Variants in HCRTR1 observed in about 807,000 individuals in gnomAD.
The protein encoded by HCRTR1 is orexin/Hypocretin receptor type 1.
In HCRTR1, 28 loss-of-function variants were observed where a neutral mutation model predicts 40.6. The ratio of observed to expected loss-of-function variants is 0.69; its 90% confidence interval spans 0.51 to 0.95. HCRTR1 has a LOEUF of 0.95. Ranked by LOEUF, HCRTR1 falls within the 40% of genes least tolerant of loss-of-function variation. The pLI is 0.00. For missense variants in HCRTR1, 482 were observed against 564.7 expected, an observed-to-expected ratio of 0.85 and a Z score of 1.48; for synonymous variants, 209 against 230.0, an observed-to-expected ratio of 0.91 and a Z score of 0.83.
Position 31,627,309 on chromosome 1 carries a change from CTA to C in HCRTR1, c.*330_*331del. ...GGTCATCCTCCTAAAGACCCCTTTC[CTA>C]CCCAATTACAGGCCTTCCCTGGAGT... On this transcript the variant is annotated 3_prime_UTR_variant, in exon 9 of 9. Transcript: ENST00000403528. 3 of 1,323,914 alleles carry C rather than the reference CTA, an allele frequency of 2.3e-6. No individual in the cohort carries two copies. The highest frequency in any genetic ancestry group is 9.9e-7 in the Non-Finnish European group (1 of 1,012,342). 82.0% of individuals were successfully genotyped at this position (1,323,914 alleles called of 1,614,324 possible).
In HCRTR1 at chr1:31,618,813, T is replaced by G; in HGVS notation, c.-146T>G. Reference sequence around the variant, plus strand: ...CTCATTACTCCTCATCGTGGTCCTGTAAGGTATGTAGGGCTGTCACCCCAT... The same window carrying G: ...CTCATTACTCCTCATCGTGGTCCTGGAAGGTATGTAGGGCTGTCACCCCAT... On this transcript the variant is annotated 5_prime_UTR_variant, in exon 2 of 9. Coordinates refer to ENST00000403528, the MANE Select transcript of HCRTR1 (RefSeq NM_001525.3). The G allele has an allele frequency of 4.0e-6, 1 of 249,810 alleles. No homozygotes were observed. The allele number at this position is 249,810 out of a possible 1,614,324, so 15.5% of individuals were successfully genotyped here.
At chr1:31,634,116 C>T (rs1294222224), downstream of HCRTR1, among the ~76,000 whole-genome samples, 2 of 152,174 alleles carry the variant, frequency 1.3e-5, no homozygotes, top group African/African-American at 4.8e-5. Flanking sequence ...TACCAAAGCC[C>T]AGTAAGGACA....
At chr1:31,629,701 T>G (rs879413371), downstream of HCRTR1, among the ~76,000 whole-genome samples, 3 of 152,122 alleles carry the variant, frequency 2.0e-5, no homozygotes, top group Non-Finnish European at 4.4e-5. Context: ...CTGGCTACCC[T>G]ATACTTCAAC....
Position 31,626,870 on chromosome 1 carries a change from A to G in HCRTR1, c.1168A>G (p.Ser390Gly), listed in dbSNP as rs770155053. Reference protein sequence around the residue: ...LGPCGSLKAPSPRSSASHKSL... With the variant: ...LGPCGSLKAPGPRSSASHKSL... ...TCCCTGCGGCTCTCTGAAGGCCCCTAGTCCCCGCTCCTCTGCCAGCCACAA... is the reference window on the plus strand; with the variant it reads ...TCCCTGCGGCTCTCTGAAGGCCCCTGGTCCCCGCTCCTCTGCCAGCCACAA... The change falls in exon 9 of 9, where the codon AGT becomes GGT. Residue 390 changes from serine to glycine, a missense_variant. Ser to Gly is a moderately conservative substitution (Grantham distance 56). Coordinates refer to ENST00000403528, the MANE Select transcript of HCRTR1 (RefSeq NM_001525.3). The surrounding 1 kb of genome is among the most constrained non-coding windows in gnomAD (Gnocchi z 4.6). The G allele has an allele frequency of 3.7e-6, 6 of 1,613,872 alleles. No individual in the cohort carries two copies. Among genetic ancestry groups the G allele is most frequent in the Non-Finnish European group, 5.1e-6 (6 of 1,180,008 alleles).
chr1:31,630,639 T>C (rs757745336), downstream of HCRTR1: 18 of 1,612,478 alleles, frequency 1.1e-5, no homozygotes, highest in African/African-American at 2.1e-4. Flanking sequence ...GCTGTCATGG[T>C]GACGAAGTCC....
chr1:31,619,466 C>T (rs1179955663), intron 3 of HCRTR1, 66 bp from the exon 4 acceptor site: 22 of 1,611,618 alleles, frequency 1.4e-5, no homozygotes, highest in East Asian at 8.9e-5. Flanking sequence ...GAGGAGGGCT[C>T]GCTGATTAGG....
downstream of HCRTR1, among the ~76,000 whole-genome samples, chr1:31,631,300 TG>T (rs1640096717): frequency 6.6e-6 from 1 of 152,164 alleles, no homozygotes; most frequent in African/African-American, 2.4e-5. Context: ...ATCTCTAAAA[TG>T]GGGATAATAC....
chr1:31,627,842 C>T (rs1640009881), downstream of HCRTR1, among the ~76,000 whole-genome samples: 1 of 152,194 alleles, frequency 6.6e-6, no homozygotes, highest in African/African-American at 2.4e-5. Context: ...CACCCCTCGA[C>T]ACAACTGTCT....
chr1:31,632,655 A>G, downstream of HCRTR1: 2 of 1,611,674 alleles, frequency 1.2e-6, no homozygotes, highest in Non-Finnish European at 8.5e-7. Context: ...GTGAGGAGGG[A>G]AAGGAGGGGA....
In HCRTR1 at chr1:31,617,807, T is replaced by G. The variant is rs1384888231; in HGVS notation, c.-278T>G. Reference sequence around the variant, plus strand: ...CCGGCCCCTAGAGGCTCGGCCTTCCTCGCAGGAAGGCGAAGTCCCCGGTGC... The same window carrying G: ...CCGGCCCCTAGAGGCTCGGCCTTCCGCGCAGGAAGGCGAAGTCCCCGGTGC... On this transcript the variant is annotated 5_prime_UTR_variant, in exon 1 of 9. Transcript: ENST00000403528. The G allele has an allele frequency of 2.0e-5, 3 of 151,918 alleles. No individual in the cohort carries two copies. The highest frequency in any genetic ancestry group is 7.3e-5 in the African/African-American group (3 of 41,374). The allele number at this position is 151,918 out of a possible 1,614,324, so 9.4% of individuals were successfully genotyped here.
chr1:31,621,383 G>T, intron 5 of HCRTR1, 94 bp from the exon 6 acceptor site: 3 of 997,580 alleles, frequency 3.0e-6, no homozygotes, highest in Non-Finnish European at 4.8e-6. Context: ...CCTAGGCCTT[G>T]CTTTGGCCGT....
chr1:31,618,666 C>T (rs1639782299), intron 1 of HCRTR1, 90 bp from the exon 2 acceptor site: 1 of 156,314 alleles, frequency 6.4e-6, no homozygotes, highest in African/African-American at 2.4e-5. Flanking sequence ...GCAAGAGACT[C>T]AATCTCTCTG....
rs1248098907 is a variant in HCRTR1 at position 31,626,749 on chromosome 1, A to G, written c.1088-41A>G. ...TGGGCTCAAGGCCCCTTCCTGCTGC[A>G]TCTGTCTCCTTATGGCTGTGTCTTT... On this transcript the variant is annotated intron_variant, in intron 8 of 8. Transcript: ENST00000403528. This position sits in a 1 kb window ranked among gnomAD's most constrained non-coding sequence, Gnocchi z 4.6. The G allele has an allele frequency of 7.2e-7, 1 of 1,384,050 alleles. No homozygotes were observed. The highest frequency in any genetic ancestry group is 2.0e-5 in the Admixed American group (1 of 50,996). The allele number at this position is 1,384,050 out of a possible 1,614,324, so 85.7% of individuals were successfully genotyped here. A position where few individuals can be genotyped will look rare whatever the true frequency, so the allele number is the denominator to read the frequency against.
At chr1:31,619,844 C>T in intron 4 of HCRTR1, 134 bp downstream of exon 4, 1 of 789,080 alleles carries the variant, frequency 1.3e-6, no homozygotes, top group Non-Finnish European at 2.0e-6. Context: ...AAGTGTCATC[C>T]TCTGCTGCTA....
intron 6 of HCRTR1, among the ~76,000 whole-genome samples, chr1:31,623,234 T>G (rs1389477616): frequency 6.7e-6 from 1 of 148,750 alleles, no homozygotes; most frequent in African/African-American, 2.5e-5. Context: ...GAGGCGAGAT[T>G]GAAGAGAGCC....
In HCRTR1 at chr1:31,627,256, AT is replaced by A; in HGVS notation, c.*277del. Reference sequence around the variant, plus strand: ...TCATTTGGCCATACCCCACAGTATAATCTGTCCCCATCCTCCTTCCAGAGCT... The same window carrying A: ...TCATTTGGCCATACCCCACAGTATAACTGTCCCCATCCTCCTTCCAGAGCT... On this transcript the variant is annotated 3_prime_UTR_variant, in exon 9 of 9. Transcript: ENST00000403528. 1 of 1,441,470 alleles carries A rather than the reference AT, an allele frequency of 6.9e-7. No individual in the cohort carries two copies. The highest frequency in any genetic ancestry group is 9.2e-7 in the Non-Finnish European group (1 of 1,086,524). The allele number at this position is 1,441,470 out of a possible 1,614,324, so 89.3% of individuals were successfully genotyped here. A position where few individuals can be genotyped will look rare whatever the true frequency, so the allele number is the denominator to read the frequency against.
chr1:31,626,649 C>T lies in HCRTR1; in HGVS notation c.1088-141C>T, dbSNP rs1639982151. 1.5e-6 allele frequency: 2 copies of T among 1,345,958 alleles called. No individual in the cohort carries two copies. Among genetic ancestry groups the T allele is most frequent in the South Asian group, 3.1e-5 (2 of 63,912 alleles). 83.4% of individuals were successfully genotyped at this position (1,345,958 alleles called of 1,614,324 possible). A position where few individuals can be genotyped will look rare whatever the true frequency, so the allele number is the denominator to read the frequency against. On this transcript the variant is annotated intron_variant, in intron 8 of 8. Transcript: ENST00000403528. The surrounding 1 kb of genome is among the most constrained non-coding windows in gnomAD (Gnocchi z 4.6). ...GCGGTGCCGAGGTTGCCTCAGGGCTCTCCCTCCCAGCTCTATCCCTCCCTC... is the reference window on the plus strand; with the variant it reads ...GCGGTGCCGAGGTTGCCTCAGGGCTTTCCCTCCCAGCTCTATCCCTCCCTC...
At chr1:31,621,113 T>A in intron 5 of HCRTR1, 27 bp downstream of exon 5, 2 of 1,589,218 alleles carry the variant, frequency 1.3e-6, no homozygotes, top group South Asian at 2.2e-5. Context: ...CAAGCAGGCA[T>A]CCCCTCAGGT....
chr1:31,623,960 C>T (rs1639919671), intron 7 of HCRTR1, among the ~76,000 whole-genome samples: 1 of 152,162 alleles, frequency 6.6e-6, no homozygotes, highest in Non-Finnish European at 1.5e-5. Flanking sequence ...GCTGGAAATA[C>T]AATGAACAAG....
Sources: gnomAD v4.1 joint callset for allele counts (sites outside exome capture counted in the v4.1 genomes callset) on GRCh38, gnomAD v4.1.1 for gene constraint, Gnocchi (gnomAD v3.1) non-coding constraint, MANE v1.5 for transcripts, NCBI Gene and HGNC (gene_info 2026-07-23, HGNC 2026-07-21) for gene names.